Variants in WDR43 observed in about 807,000 individuals in gnomAD.
WDR43 encodes WD repeat-containing protein 43.
WDR43 carries 13 observed loss-of-function variants against 91.4 expected under a neutral mutation model. The observed-to-expected ratio is 0.14, with a 90% CI of 0.09 to 0.23. The LOEUF (loss-of-function observed/expected upper bound fraction) is 0.23. Ranked by LOEUF, WDR43 falls within the 10% of genes least tolerant of loss-of-function variation. WDR43 has a pLI of 1.00. For missense variants in WDR43, 780 were observed against 809.4 expected, an observed-to-expected ratio of 0.96 and a Z score of 0.44; for synonymous variants, 331 against 287.9, an observed-to-expected ratio of 1.15 and a Z score of -1.51.
At chr2:28,929,893 G>A (rs1013211441) in intron 11 of WDR43, among the ~76,000 whole-genome samples, 183 bp downstream of exon 11, 1 of 151,900 alleles carries the variant, frequency 6.6e-6, no homozygotes, top group Non-Finnish European at 1.5e-5. Context: ...AACCTACAAC[G>A]GGATTGCATT....
rs376209358 is a variant in WDR43, at chr2:28,941,591, G to T, written c.1734+17G>T. 44 of 1,574,770 alleles carry T rather than the reference G, an allele frequency of 2.8e-5. No homozygotes were observed. Among genetic ancestry groups the T allele is most frequent in the Non-Finnish European group, 3.6e-5 (41 of 1,151,502 alleles). On this transcript the variant is annotated intron_variant, in intron 15 of 17. Transcript: ENST00000407426. ...ATTACACAAGTGAGTAAATCATATT[G>T]TTCTGGGCTAAAACTTTTGGACATG...
chr2:28,900,545 TC>T (rs1670559989), intron 1 of WDR43, among the ~76,000 whole-genome samples: 1 of 152,132 alleles, frequency 6.6e-6, no homozygotes. Flanking sequence ...TTAATGTACT[TC>T]CCCCAACTCT....
intron 1 of WDR43, among the ~76,000 whole-genome samples, chr2:28,899,194 A>T (rs1670535745): frequency 6.6e-6 from 1 of 152,192 alleles, no homozygotes; most frequent in Admixed American, 6.5e-5. Context: ...TTTTTAGCCT[A>T]CCTTTTTATT....
intron 3 of WDR43, among the ~76,000 whole-genome samples, 159 bp downstream of exon 3, chr2:28,906,740 A>G (rs1165492705): frequency 6.6e-6 from 1 of 152,242 alleles, no homozygotes; most frequent in East Asian, 1.9e-4. Context: ...TAAAACACAT[A>G]AAATACATAA....
intron 15 of WDR43, among the ~76,000 whole-genome samples, chr2:28,941,969 A>G (rs1373834872): frequency 1.3e-5 from 2 of 152,202 alleles, no homozygotes; most frequent in African/African-American, 4.8e-5. Context: ...TCAGTTTGAC[A>G]GTAAGAAAGT....
Position 28,922,973 on chromosome 2 carries a change from A to T in WDR43, c.904A>T (p.Ile302Leu). The T allele has an allele frequency of 3.1e-6, 5 of 1,609,904 alleles. No individual in the cohort carries two copies. The highest frequency in any genetic ancestry group is 3.4e-6 in the Non-Finnish European group (4 of 1,178,912). ...RDGQVHLFEH[I>L]LNGYCKKPLT... ...TGGTCAAGTCCATCTTTTTGAACAC[A>T]TATTAAATGGGTAAGTAAGAAATTT... The change falls in exon 7 of 18, where the codon ATA becomes TTA. Residue 302 changes from isoleucine (I) to leucine (L), a missense_variant. This residue lies in a region of WDR43 where 426 missense variants were observed against 467.8 expected (regional missense o/e 0.91). Transcript: ENST00000407426.
At chr2:28,940,116 A>AAAG (rs1553330283) in intron 14 of WDR43, among the ~76,000 whole-genome samples, 5 of 151,404 alleles carry the variant, frequency 3.3e-5, no homozygotes, top group South Asian at 2.1e-4. Flanking sequence ...CGTCTCAAAA[A>AAAG]AAAAAAAAAA....
At position 28,924,991 on chromosome 2, in the gene WDR43, A is replaced by C. The variant is rs1330725270; in HGVS notation, c.924A>C (p.Lys308Asn). The C allele has an allele frequency of 6.2e-7, 1 of 1,609,386 alleles. No homozygotes were observed. The highest frequency in any genetic ancestry group is 1.1e-5 in the South Asian group (1 of 90,116). Residue 308 changes from lysine to asparagine, a missense_variant, in exon 8 of 18, where the codon AAA (lysine) becomes AAC (asparagine). Lys to Asn is a moderately conservative substitution (Grantham distance 94, BLOSUM62 0). Coordinates refer to ENST00000407426, the MANE Select transcript of WDR43 (RefSeq NM_015131.3). ...CCCCCTCCATTTCCAGGTACTGCAA[A>C]AAGCCTTTGACTTCAAACTGCACAA... is the stretch of plus-strand genomic sequence containing the variant. ...LFEHILNGYC[K>N]KPLTSNCTIQ...
chr2:28,919,795 G>A (rs1670986545), intron 6 of WDR43, among the ~76,000 whole-genome samples: 1 of 152,118 alleles, frequency 6.6e-6, no homozygotes, highest in South Asian at 2.1e-4. Context: ...CTGATCGTAG[G>A]GAACTGATGA....
rs1019900956 is a variant in WDR43, at chr2:28,925,315, A to G, written c.1086+162A>G. Among the ~76,000 whole-genome samples the G allele has an allele frequency of 1.2e-4, 19 of 152,336 alleles. No homozygotes were observed. The East Asian group carries it at 2.1e-3, about 17-fold the overall frequency. ...GGTTTATTTTAATTTTGAGAGCTCT[A>G]TATCCAACATAATTTAACACCTGGT... On this transcript the variant is annotated intron_variant, in intron 8 of 17. Transcript: ENST00000407426.
chr2:28,923,229 A>C (rs377436917), intron 7 of WDR43, among the ~76,000 whole-genome samples: 26 of 152,366 alleles, frequency 1.7e-4, no homozygotes, highest in Middle Eastern at 3.4e-3. Context: ...TTCTAATGAT[A>C]CATTTCAGAA....
At chr2:28,901,703 TGAGG>T (rs1384623756) in intron 1 of WDR43, among the ~76,000 whole-genome samples, 4 of 152,182 alleles carry the variant, frequency 2.6e-5, no homozygotes, top group Non-Finnish European at 4.4e-5. Context: ...GAAACAGCAT[TGAGG>T]CTTCTTGGAC....
Position 28,942,349 on chromosome 2 carries a change from C to G in WDR43, c.1772C>G (p.Pro591Arg). Residue 591 changes from proline (P) to arginine (R), a missense_variant, in exon 16 of 18, where the codon CCT becomes CGT. Physicochemically the swap from Pro to Arg is moderately radical, Grantham distance 103. Coordinates refer to ENST00000407426, the MANE Select transcript of WDR43 (RefSeq NM_015131.3). ...ASEKTKGATSPGQKAKLVYEE... is the reference protein window; with the variant it reads ...ASEKTKGATSRGQKAKLVYEE... ...GAGAAGACAAAGGGAGCAACTTCCC[C>G]TGGACAGAAGGCAAAGTTGGTGTAT... 1 of 1,613,532 alleles carries G rather than the reference C, an allele frequency of 6.2e-7. No homozygotes were observed. Among genetic ancestry groups the G allele is most frequent in the African/African-American group, 1.3e-5 (1 of 75,014 alleles).
chr2:28,918,074 TG>T, intron 6 of WDR43, 79 bp downstream of exon 6: 1 of 1,281,948 alleles, frequency 7.8e-7, no homozygotes, highest in Non-Finnish European at 1.1e-6. Flanking sequence ...GATGATTTAA[TG>T]ACTTGAGAAA....
chr2:28,936,993 C>A, intron 13 of WDR43, 40 bp downstream of exon 13: 4 of 1,540,512 alleles, frequency 2.6e-6, no homozygotes, highest in Non-Finnish European at 3.5e-6. Flanking sequence ...TGTTGTCTGA[C>A]AGCATGAAAT....
chr2:28,933,289 T>C (rs755365685), intron 11 of WDR43, among the ~76,000 whole-genome samples: 1 of 152,060 alleles, frequency 6.6e-6, no homozygotes, highest in Non-Finnish European at 1.5e-5. Context: ...AAAATAAATA[T>C]AGATTAAGGG....
chr2:28,911,752 C>T (rs1670805540), intron 3 of WDR43, among the ~76,000 whole-genome samples: 1 of 151,924 alleles, frequency 6.6e-6, no homozygotes, highest in Non-Finnish European at 1.5e-5. Flanking sequence ...CCATCTCAGC[C>T]TCCAGAGTAG....
intron 2 of WDR43, among the ~76,000 whole-genome samples, chr2:28,902,901 C>T (rs1305360196): frequency 1.3e-5 from 2 of 152,006 alleles, no homozygotes; most frequent in South Asian, 2.1e-4. Flanking sequence ...TGTTTTTGTT[C>T]GCTGGACTTC....
chr2:28,915,450 C>G (rs1670887203), intron 5 of WDR43, among the ~76,000 whole-genome samples: 1 of 152,150 alleles, frequency 6.6e-6, no homozygotes, highest in South Asian at 2.1e-4. Context: ...GCTTAGGCTT[C>G]CTCATACCTA....
Sources: gnomAD v4.1 joint callset for allele counts (sites outside exome capture counted in the v4.1 genomes callset) on GRCh38, gnomAD v4.1.1 for gene constraint, gnomAD v4.1.1 regional missense constraint, MANE v1.5 for transcripts, NCBI Gene and HGNC (gene_info 2026-07-23, HGNC 2026-07-21) for gene names.